ROBO2: variants seen among roughly 807,000 people sequenced by gnomAD.
ROBO2 encodes roundabout homolog 2.
In ROBO2, 53 loss-of-function variants were observed where a neutral mutation model predicts 160.8. The observed-to-expected ratio is 0.33, with a 90% CI of 0.26 to 0.41. The LOEUF is 0.41. ROBO2 is among the 10% of genes least tolerant of loss of function. The pLI is 1.00. For missense variants in ROBO2, 1,577 were observed against 1,722.4 expected, an observed-to-expected ratio of 0.92 and a Z score of 1.49; for synonymous variants, 664 against 611.7, an observed-to-expected ratio of 1.09 and a Z score of -1.26.
chr3:77,580,123 G>T lies in ROBO2; in HGVS notation c.2500+5G>T. The T allele has an allele frequency of 6.2e-7, 1 of 1,613,536 alleles. No individual in the cohort carries two copies. The stretch of plus-strand genomic sequence containing the variant: ...AGCCACAGCCAATAATAATCGGTGA[G>T]TATCAAACTATGTGGTCTGTGCTTT... On this transcript the variant is annotated splice_donor_5th_base_variant and intron_variant, in intron 16 of 25. Coordinates refer to ENST00000461745, the Ensembl canonical transcript of ROBO2.
intron 7 of ROBO2, among the ~76,000 whole-genome samples, chr3:77,550,599 T>C (rs539659894): frequency 6.6e-6 from 1 of 152,048 alleles, no homozygotes; most frequent in Admixed American, 6.6e-5. Flanking sequence ...TTCTTTCAAC[T>C]AGAAAATATT....
intron 2 of ROBO2, among the ~76,000 whole-genome samples, chr3:77,143,750 A>G (rs2076910890): frequency 6.6e-6 from 1 of 151,858 alleles, no homozygotes; most frequent in Non-Finnish European, 1.5e-5. Flanking sequence ...AAATTTTTTG[A>G]TTCCTAATTA....
intron 2 of ROBO2, among the ~76,000 whole-genome samples, chr3:76,238,783 A>G (rs1260491180): frequency 1.3e-5 from 2 of 152,142 alleles, no homozygotes; most frequent in African/African-American, 4.8e-5. Flanking sequence ...AACTCCCCAC[A>G]GGTCTCCCCC....
At chr3:77,512,781 T>A (rs184339336) in intron 5 of ROBO2, among the ~76,000 whole-genome samples, 26 of 152,116 alleles carry the variant, frequency 1.7e-4, no homozygotes, top group Non-Finnish European at 3.1e-4. Context: ...TGAGTGGAAG[T>A]GTTTCAAAAA....
chr3:76,656,108 A>G (rs2091510654), intron 2 of ROBO2, among the ~76,000 whole-genome samples: 1 of 152,138 alleles, frequency 6.6e-6, no homozygotes, highest in Non-Finnish European at 1.5e-5. Context: ...AAACAGTAAA[A>G]TCTAGAAAAA....
At chr3:75,941,776 A>G (rs1411020576) in intron 2 of ROBO2, among the ~76,000 whole-genome samples, 8 of 152,188 alleles carry the variant, frequency 5.3e-5, no homozygotes, top group African/African-American at 1.7e-4. Context: ...TTAAGGGGCA[A>G]AATTTTGGAA....
At chr3:77,176,177 G>A (rs935542163) in intron 2 of ROBO2, among the ~76,000 whole-genome samples, 10 of 151,912 alleles carry the variant, frequency 6.6e-5, no homozygotes, top group Non-Finnish European at 1.5e-4. Context: ...TAAGAAGCAA[G>A]AGAGGGTCAA....
chr3:76,322,164 G>GTAGATATA (rs2072587924), intron 2 of ROBO2, among the ~76,000 whole-genome samples: 1 of 108,156 alleles, frequency 9.2e-6, no homozygotes, highest in African/African-American at 4.5e-5. Flanking sequence ...TACTTCTTCC[G>GTAGATATA]TATATATATA....
At chr3:76,079,548 A>C (rs1293064943) in intron 2 of ROBO2, among the ~76,000 whole-genome samples, 1 of 151,050 alleles carries the variant, frequency 6.6e-6, no homozygotes, top group Non-Finnish European at 1.5e-5. Flanking sequence ...CAGTGGCACA[A>C]TCTCAGCTCA....
intron 2 of ROBO2, among the ~76,000 whole-genome samples, chr3:77,334,830 A>G (rs1216308322): frequency 6.6e-6 from 1 of 152,204 alleles, no homozygotes; most frequent in African/African-American, 2.4e-5. Context: ...TGTGGACCTG[A>G]AAACTCTGCA....
chr3:77,003,096 A>G (rs1478787487), intron 2 of ROBO2, among the ~76,000 whole-genome samples: 3 of 152,166 alleles, frequency 2.0e-5, no homozygotes, highest in Non-Finnish European at 4.4e-5. Flanking sequence ...ATTTTTCTAT[A>G]CACATTTGTG....
At chr3:76,410,690 A>T (rs1163632411) in intron 2 of ROBO2, among the ~76,000 whole-genome samples, 1 of 152,148 alleles carries the variant, frequency 6.6e-6, no homozygotes. Flanking sequence ...GTTTCTGCTT[A>T]TTGGTGAATG....
chr3:76,411,700 A>C (rs73840962), intron 2 of ROBO2, among the ~76,000 whole-genome samples: 3,258 of 152,308 alleles, frequency 0.021, 103 homozygotes, highest in African/African-American at 0.074. Flanking sequence ...ATCCATATTC[A>C]GGTAGCATAA....
intron 2 of ROBO2, among the ~76,000 whole-genome samples, chr3:77,146,160 G>T (rs926511159): frequency 6.6e-6 from 1 of 152,166 alleles, no homozygotes; most frequent in Non-Finnish European, 1.5e-5. Context: ...TCAGTAGTGT[G>T]CCACAATCAG....
chr3:76,374,895 C>T (rs1436314342), intron 2 of ROBO2, among the ~76,000 whole-genome samples: 1 of 150,980 alleles, frequency 6.6e-6, no homozygotes, highest in Non-Finnish European at 1.5e-5. Context: ...ATTCACCATA[C>T]TTTTAGCATT....
At chr3:76,225,140 T>A (rs1704203812) in intron 2 of ROBO2, among the ~76,000 whole-genome samples, 1 of 152,186 alleles carries the variant, frequency 6.6e-6, no homozygotes, top group Non-Finnish European at 1.5e-5. Flanking sequence ...AATAGGATAT[T>A]ATTCACTCAA....
chr3:76,141,143 CTCTCTCTCTCTCTCTCTATATATA>C (rs1169873444), intron 2 of ROBO2, among the ~76,000 whole-genome samples: 2 of 60,848 alleles, frequency 3.3e-5, no homozygotes, highest in African/African-American at 1.4e-4. Context: ...CTCTCTCTCT[CTCTCTCTCTCTCTCTCTATATATA>C]TATATATATA....
chr3:76,558,344 GAAGTGTCTTAAGTTAGA>G lies in ROBO2; in HGVS notation c.110-539667_110-539651del, dbSNP rs1331587543. ...CTATTCAGATAATTTTCTTAAGTTA[GAAGTGTCTTAAGTTAGA>G]AAAAAATATATGTTGCCTGTGCTAT... On this transcript the variant is annotated intron_variant, in intron 2 of 26. Transcript: ENST00000487694. Among the ~76,000 whole-genome samples the G allele has an allele frequency of 1.2e-4, 9 of 74,722 alleles. No homozygotes were observed. The Admixed American group carries it at 1.3e-3, about 11-fold the overall frequency. The allele number at this position is 74,722 out of a possible 152,430, so 49.0% of individuals were successfully genotyped here.
chr3:76,401,599 G>A (rs2077820272), intron 2 of ROBO2, among the ~76,000 whole-genome samples: 1 of 151,442 alleles, frequency 6.6e-6, no homozygotes, highest in South Asian at 2.1e-4. Flanking sequence ...TTATGATGGT[G>A]TTGCAAGTAT....
Sources: allele counts gnomAD v4.1 joint callset (sites outside exome capture counted in the v4.1 genomes callset), GRCh38; gene constraint gnomAD v4.1.1; transcripts MANE v1.5; gene names NCBI Gene and HGNC (gene_info 2026-07-23, HGNC 2026-07-21).